HCN1: variants seen among roughly 807,000 people sequenced by gnomAD.
The protein encoded by HCN1 is hyperpolarization activated cyclic nucleotide gated potassium channel 1, also known as potassium/sodium hyperpolarization-activated cyclic nucleotide-gated channel 1.
In HCN1, 13 loss-of-function variants were observed where a neutral mutation model predicts 78.9. That is an observed-to-expected ratio of 0.16 (90% CI 0.11 to 0.26). The LOEUF (loss-of-function observed/expected upper bound fraction) is 0.26, where lower values mean the gene tolerates loss of function less well. HCN1 is among the 10% of genes least tolerant of loss of function. The pLI is 1.00. For synonymous variants in HCN1, 552 were observed against 455.5 expected (o/e 1.21, Z -2.70); for missense variants, 810 against 1,154.3 (o/e 0.70, Z 4.32).
chr5:45,629,070 C>A (rs1306645389), intron 2 of HCN1, among the ~76,000 whole-genome samples: 1 of 149,616 alleles, frequency 6.7e-6, no homozygotes, highest in African/African-American at 2.5e-5. Flanking sequence ...TAATATCCAA[C>A]AAAGTAGACA....
At chr5:45,375,702 T>G (rs1288513556) in intron 4 of HCN1, among the ~76,000 whole-genome samples, 1 of 115,760 alleles carries the variant, frequency 8.6e-6, no homozygotes, top group Non-Finnish European at 1.6e-5. Flanking sequence ...TCATATTTTA[T>G]GATACATATT....
chr5:45,357,438 A>G (rs1029539091), intron 4 of HCN1, among the ~76,000 whole-genome samples: 2 of 151,920 alleles, frequency 1.3e-5, no homozygotes, highest in African/African-American at 2.4e-5. Context: ...CATTTTCTCT[A>G]TATTTCCCCA....
chr5:45,480,828 G>T (rs1477790387), intron 2 of HCN1, among the ~76,000 whole-genome samples: 1 of 152,112 alleles, frequency 6.6e-6, no homozygotes, highest in Non-Finnish European at 1.5e-5. Flanking sequence ...ATAAATACTG[G>T]ATTAAATACC....
chr5:45,265,907 G>A (rs1324184038), intron 7 of HCN1, among the ~76,000 whole-genome samples: 1 of 152,138 alleles, frequency 6.6e-6, no homozygotes, highest in Non-Finnish European at 1.5e-5. Context: ...GGCTATAGGA[G>A]AATGCATCCA....
intron 4 of HCN1, among the ~76,000 whole-genome samples, chr5:45,366,648 T>A (rs1029592878): frequency 6.6e-6 from 1 of 151,824 alleles, no homozygotes; most frequent in South Asian, 2.1e-4. Flanking sequence ...AGGATATGGA[T>A]AATTACTAAG....
intron 3 of HCN1, among the ~76,000 whole-genome samples, chr5:45,452,108 T>C (rs1740931365): frequency 6.6e-6 from 1 of 150,828 alleles, no homozygotes. Context: ...AAAGATATGG[T>C]AAATTCCAAA....
At chr5:45,549,883 A>G (rs1166027207) in intron 2 of HCN1, among the ~76,000 whole-genome samples, 1 of 152,246 alleles carries the variant, frequency 6.6e-6, no homozygotes, top group African/African-American at 2.4e-5. Flanking sequence ...TGCAGCCAAC[A>G]GACACATGAA....
intron 6 of HCN1, among the ~76,000 whole-genome samples, chr5:45,283,821 A>G (rs74391135): frequency 6.6e-6 from 1 of 152,186 alleles, no homozygotes; most frequent in African/African-American, 2.4e-5. Context: ...AAATCATTCT[A>G]CTATAAAGAC....
At chr5:45,383,824 C>A (rs1356361623) in intron 4 of HCN1, among the ~76,000 whole-genome samples, 1 of 151,732 alleles carries the variant, frequency 6.6e-6, no homozygotes, top group Admixed American at 6.6e-5. Context: ...GTTTTTTCCA[C>A]AATATTTTAA....
intron 2 of HCN1, among the ~76,000 whole-genome samples, chr5:45,540,621 T>C (rs913790819): frequency 2.6e-5 from 4 of 152,198 alleles, no homozygotes; most frequent in Non-Finnish European, 5.9e-5. Flanking sequence ...GGAGCCACCA[T>C]GCCTAGCAGA....
intron 2 of HCN1, among the ~76,000 whole-genome samples, chr5:45,473,137 T>G (rs551523611): frequency 2.4e-3 from 358 of 152,104 alleles, no homozygotes; most frequent in African/African-American, 8.1e-3. Flanking sequence ...TATCAAAATT[T>G]TCAATACTCT....
Position 45,340,778 on chromosome 5 carries a change from T to A in HCN1, c.1377+12322A>T, listed in dbSNP as rs372473587. On this transcript the variant is annotated intron_variant, in intron 5 of 7. Coordinates refer to ENST00000303230, the MANE Select transcript of HCN1 (RefSeq NM_021072.4). ...ACTTGTAGAAACTTCTTACAACACATCTGAATAGGATCTAGTTTAAGGCAC... is the reference window on the plus strand; with the variant it reads ...ACTTGTAGAAACTTCTTACAACACAACTGAATAGGATCTAGTTTAAGGCAC... 3.0e-4 allele frequency among the ~76,000 whole-genome samples: 46 copies of A among 152,292 alleles called. No individual in the cohort carries two copies. In the South Asian group the frequency reaches 9.3e-3, roughly 31 times the overall value.
chr5:45,599,891 T>C (rs1377274983), intron 2 of HCN1, among the ~76,000 whole-genome samples: 1 of 152,102 alleles, frequency 6.6e-6, no homozygotes, highest in East Asian at 1.9e-4. Flanking sequence ...CTGAATTCAC[T>C]GCAGTTCTTA....
chr5:45,349,129 C>A lies in HCN1; in HGVS notation c.1377+3971G>T, dbSNP rs1385056289. Among the ~76,000 whole-genome samples the A allele has an allele frequency of 3.9e-5, 6 of 152,098 alleles. No individual in the cohort carries two copies. The East Asian group carries it at 9.6e-4, about 24-fold the overall frequency. On this transcript the variant is annotated intron_variant, in intron 5 of 7. Coordinates refer to ENST00000303230, the MANE Select transcript of HCN1 (RefSeq NM_021072.4). ...ATTGACCACATACTTGGAAGTAAAGCTCTCCTCAGCAAATGTAAAAGAACA... is the reference window on the plus strand; with the variant it reads ...ATTGACCACATACTTGGAAGTAAAGATCTCCTCAGCAAATGTAAAAGAACA...
chr5:45,515,081 T>A (rs981650355), intron 2 of HCN1, among the ~76,000 whole-genome samples: 1 of 151,960 alleles, frequency 6.6e-6, no homozygotes, highest in Non-Finnish European at 1.5e-5. Flanking sequence ...ACAAAACTTT[T>A]TCATGATATA....
rs533570778 is a variant in HCN1 at position 45,406,110 on chromosome 5, C to T, written c.1012-9400G>A. 1.5e-3 allele frequency among the ~76,000 whole-genome samples: 231 copies of T among 151,888 alleles called. 2 individuals are homozygous for T. Among genetic ancestry groups the T allele is most frequent in the Non-Finnish European group, 2.0e-3 (138 of 67,946 alleles). ...TTTAAATTTGACTTGTTCATTCATC[C>T]AATTTTTTATACTAAGAGTTCATTG... On this transcript the variant is annotated intron_variant, in intron 3 of 7. Coordinates refer to ENST00000303230, the MANE Select transcript of HCN1 (RefSeq NM_021072.4).
At chr5:45,395,507 A>G (rs1739668468) in intron 4 of HCN1, among the ~76,000 whole-genome samples, 1 of 152,182 alleles carries the variant, frequency 6.6e-6, no homozygotes, top group African/African-American at 2.4e-5. Flanking sequence ...GGAAATATCT[A>G]GGTTCCCTTT....
chr5:45,579,704 G>A (rs1342293610), intron 2 of HCN1, among the ~76,000 whole-genome samples: 1 of 151,962 alleles, frequency 6.6e-6, no homozygotes, highest in Non-Finnish European at 1.5e-5. Context: ...TTGGAGGAAG[G>A]GAAGGTATAG....
At chr5:45,573,320 T>A (rs1743870306) in intron 2 of HCN1, among the ~76,000 whole-genome samples, 1 of 152,104 alleles carries the variant, frequency 6.6e-6, no homozygotes, top group South Asian at 2.1e-4. Flanking sequence ...CCTCTTCTAA[T>A]TCAATACCCA....
Sources: gnomAD v4.1 joint callset for allele counts (sites outside exome capture counted in the v4.1 genomes callset) on GRCh38, gnomAD v4.1.1 for gene constraint, MANE v1.5 for transcripts, NCBI Gene and HGNC (gene_info 2026-07-23, HGNC 2026-07-21) for gene names.